The following ANAPC10 variants were observed in gnomAD, a reference collection of about 807,000 sequenced individuals.
ANAPC10 encodes the protein anaphase promoting complex subunit 10, also known as anaphase-promoting complex subunit 10.
A neutral mutation model predicts 22.0 loss-of-function variants in ANAPC10; 12 were observed. That is an observed-to-expected ratio of 0.55 (90% CI 0.35 to 0.88). The LOEUF (loss-of-function observed/expected upper bound fraction) is 0.88. ANAPC10 is among the 40% of genes least tolerant of loss of function. The pLI is 0.01. For synonymous variants in ANAPC10, 65 were observed against 69.5 expected, an observed-to-expected ratio of 0.94 and a Z score of 0.32; for missense variants, 188 against 220.9, an observed-to-expected ratio of 0.85 and a Z score of 0.94.
chr4:145,013,859 T>TTACCTGGGGC (rs1412214734), intron 4 of ANAPC10, among the ~76,000 whole-genome samples: 2 of 152,136 alleles, frequency 1.3e-5, no homozygotes, highest in Non-Finnish European at 2.9e-5. Context: ...GATTCTGACC[T>TTACCTGGGGC]TACCTGGGGC....
chr4:144,995,235 CAA>C lies in ANAPC10; in HGVS notation c.*136_*137del. On this transcript the variant is annotated 3_prime_UTR_variant, in exon 5 of 5. Coordinates refer to ENST00000507656, the MANE Select transcript of ANAPC10 (RefSeq NM_001256706.2). ...ATAATATGACCCCAAATTTATTTGT[CAA>C]AGTTACAATAAAATATTTTTAAACA... 2.0e-6 allele frequency: 1 copy of C among 494,726 alleles called. No homozygotes were observed. The highest frequency in any genetic ancestry group is 3.3e-5 in the East Asian group (1 of 30,434). 30.6% of individuals were successfully genotyped at this position (494,726 alleles called of 1,614,324 possible).
At chr4:145,062,133 T>C (rs916135633) in intron 4 of ANAPC10, among the ~76,000 whole-genome samples, 10 of 151,620 alleles carry the variant, frequency 6.6e-5, no homozygotes, top group Admixed American at 1.3e-4. Flanking sequence ...ACTGGGTGAA[T>C]AGAAAAACTT....
At chr4:145,053,229 A>C (rs898218120) in intron 4 of ANAPC10, among the ~76,000 whole-genome samples, 5 of 152,218 alleles carry the variant, frequency 3.3e-5, no homozygotes, top group Admixed American at 6.5e-5. Context: ...TCACATAGCT[A>C]CTCAGGAAAC....
chr4:145,082,731 C>T (rs1338319348), intron 2 of ANAPC10, among the ~76,000 whole-genome samples: 1 of 152,158 alleles, frequency 6.6e-6, no homozygotes, highest in African/African-American at 2.4e-5. Context: ...GTTGTACAAT[C>T]CTGTGTTTTT....
In ANAPC10 at chr4:145,075,972, T is replaced by C. The variant is rs190474255; in HGVS notation, c.206+5688A>G. Among the ~76,000 whole-genome samples the C allele has an allele frequency of 7.2e-5, 11 of 152,298 alleles. No individual in the cohort carries two copies. In the East Asian group the frequency reaches 1.5e-3, roughly 21 times the overall value. On this transcript the variant is annotated intron_variant, in intron 3 of 4. Coordinates refer to ENST00000507656, the MANE Select transcript of ANAPC10 (RefSeq NM_001256706.2). ...CCATGGGATGGGGGCCAGTCTGATC[T>C]GAGCAACACTTTGTCTGCCAGTCTC...
At chr4:145,002,872 CTTTTA>C (rs1228694711) in intron 4 of ANAPC10, among the ~76,000 whole-genome samples, 1 of 138,948 alleles carries the variant, frequency 7.2e-6, no homozygotes, top group African/African-American at 2.7e-5. Context: ...CTTTTTCTAA[CTTTTA>C]TTTTAGGTTC....
At chr4:145,061,471 A>G (rs1012365174) in intron 4 of ANAPC10, among the ~76,000 whole-genome samples, 2 of 152,214 alleles carry the variant, frequency 1.3e-5, no homozygotes, top group Non-Finnish European at 2.9e-5. Context: ...CTAAGATTAC[A>G]TGAGGTCTTG....
intron 4 of ANAPC10, among the ~76,000 whole-genome samples, chr4:145,016,671 T>C (rs922860093): frequency 1.3e-5 from 2 of 152,198 alleles, no homozygotes; most frequent in African/African-American, 4.8e-5. Flanking sequence ...AAGTCAATCC[T>C]AAGCAAAAAG....
Position 145,079,284 on chromosome 4 carries a change from A to G in ANAPC10, c.206+2376T>C, listed in dbSNP as rs183987181. On this transcript the variant is annotated intron_variant, in intron 3 of 4. Transcript: ENST00000507656. ...AGCATATGAAAAGATGGTCAACCTC[A>G]CTAATCACTGGAGAAATACAAATCA... Among the ~76,000 whole-genome samples, 4 of 152,330 alleles carry G rather than the reference A, an allele frequency of 2.6e-5. No individual in the cohort carries two copies. In the East Asian group the frequency reaches 7.7e-4, roughly 29 times the overall value.
chr4:145,037,129 G>A lies in ANAPC10; in HGVS notation c.327+27443C>T, dbSNP rs182501164. Among the ~76,000 whole-genome samples the A allele has an allele frequency of 3.3e-5, 5 of 151,650 alleles. No individual in the cohort carries two copies. In the East Asian group the frequency reaches 5.8e-4, roughly 18 times the overall value. The stretch of plus-strand genomic sequence containing the variant: ...AACAGAAACTCCAGAACACAGTTGC[G>A]GAGCTCCTCATGCTATCCATGAGGT... On this transcript the variant is annotated intron_variant, in intron 4 of 4. Transcript: ENST00000507656.
At chr4:145,090,756 G>A (rs1747557383) in intron 2 of ANAPC10, among the ~76,000 whole-genome samples, 4 of 152,200 alleles carry the variant, frequency 2.6e-5, no homozygotes. Context: ...TCTTAGAACA[G>A]CATCTATCAC....
chr4:145,017,726 G>C (rs927007171), intron 4 of ANAPC10, among the ~76,000 whole-genome samples: 11 of 151,698 alleles, frequency 7.3e-5, no homozygotes, highest in Admixed American at 1.3e-4. Flanking sequence ...AACCCAAATT[G>C]TCCAATGATA....
intron 4 of ANAPC10, among the ~76,000 whole-genome samples, chr4:145,059,905 A>G (rs898390894): frequency 1.3e-5 from 2 of 152,128 alleles, no homozygotes; most frequent in Non-Finnish European, 2.9e-5. Context: ...GAAAAGAACA[A>G]CATTAAATCA....
chr4:145,058,773 G>C (rs890946266), intron 4 of ANAPC10, among the ~76,000 whole-genome samples: 8 of 151,982 alleles, frequency 5.3e-5, no homozygotes, highest in African/African-American at 1.9e-4. Context: ...AGTTCCAAAA[G>C]GAAATATGCC....
At chr4:145,020,452 T>C (rs145197632) in intron 4 of ANAPC10, among the ~76,000 whole-genome samples, 195 of 152,250 alleles carry the variant, frequency 1.3e-3, no homozygotes, top group African/African-American at 4.1e-3. Context: ...AAGCCATCTA[T>C]GACAAACCCA....
intron 3 of ANAPC10, among the ~76,000 whole-genome samples, chr4:145,067,449 C>T (rs967309683): frequency 6.6e-6 from 1 of 152,140 alleles, no homozygotes; most frequent in Non-Finnish European, 1.5e-5. Context: ...ACTCACTACA[C>T]GCTTTCTCCT....
intron 4 of ANAPC10, among the ~76,000 whole-genome samples, chr4:145,060,586 A>G (rs1170381918): frequency 6.6e-6 from 1 of 152,034 alleles, no homozygotes; most frequent in East Asian, 1.9e-4. Context: ...TGAAAAAAAA[A>G]GGAAAATCTA....
intron 3 of ANAPC10, among the ~76,000 whole-genome samples, chr4:145,074,829 C>T (rs561858629): frequency 6.7e-4 from 102 of 152,204 alleles, no homozygotes; most frequent in African/African-American, 2.4e-3. Context: ...TATACTAAGC[C>T]ATAACTGGTC....
Position 145,081,764 on chromosome 4 carries a change from A to G in ANAPC10, c.116-14T>C. On this transcript the variant is annotated splice_polypyrimidine_tract_variant and intron_variant, in intron 2 of 4. Coordinates refer to ENST00000507656, the MANE Select transcript of ANAPC10 (RefSeq NM_001256706.2). ...CCACTCCAAATCCTAAAAACACCAA[A>G]AGTGTCAATAAATCCCTGTGAAAAA... 1 of 1,571,946 alleles carries G rather than the reference A, an allele frequency of 6.4e-7. No individual in the cohort carries two copies. The highest frequency in any genetic ancestry group is 8.7e-7 in the Non-Finnish European group (1 of 1,144,634).
Sources: allele counts gnomAD v4.1 joint callset (sites outside exome capture counted in the v4.1 genomes callset), GRCh38; gene constraint gnomAD v4.1.1; transcripts MANE v1.5; gene names NCBI Gene and HGNC (gene_info 2026-07-23, HGNC 2026-07-21).